Variants in CNGB1 observed in about 807,000 individuals in gnomAD.
CNGB1 encodes the protein cyclic nucleotide-gated channel beta-1.
Under a neutral mutation model 151.7 loss-of-function variants are expected in CNGB1, and 126 were observed. The observed-to-expected ratio is 0.83, with a 90% CI of 0.72 to 0.96. The LOEUF is 0.96. Ranked by LOEUF, CNGB1 falls within the 40% of genes least tolerant of loss-of-function variation. The pLI is 0.00. For missense variants in CNGB1, 1,698 were observed against 1,627.0 expected (o/e 1.04, Z -0.75); for synonymous variants, 623 against 635.1 (o/e 0.98, Z 0.29).
Position 57,960,478 on chromosome 16 carries a change from G to C in CNGB1, c.583+4C>G. The C allele has an allele frequency of 6.2e-7, 1 of 1,613,272 alleles. No individual in the cohort carries two copies. Among genetic ancestry groups the C allele is most frequent in the South Asian group, 1.1e-5 (1 of 90,806 alleles). On this transcript the variant is annotated splice_donor_region_variant and intron_variant, in intron 9 of 32. Transcript: ENST00000251102. ...AGCCCCCTCCCGAGCTCCCCTCCCT[G>C]TACCTGGGTCTGAGGCAGCACCTGT...
chr16:57,944,633 C>T lies in CNGB1; in HGVS notation c.1122-4312G>A, dbSNP rs115511924. Among the ~76,000 whole-genome samples the T allele has an allele frequency of 5.2e-3, 784 of 152,070 alleles. 7 individuals are homozygous for T. The highest frequency in any genetic ancestry group is 0.018 in the African/African-American group (755 of 41,468). On this transcript the variant is annotated intron_variant, in intron 14 of 32. Transcript: ENST00000251102. ...CATAATTCAAAACAACAATTATACACAAAAATATATACAATTTATGTCAAT... is the reference window on the plus strand; with the variant it reads ...CATAATTCAAAACAACAATTATACATAAAAATATATACAATTTATGTCAAT...
intron 4 of CNGB1, among the ~76,000 whole-genome samples, chr16:57,963,694 G>C (rs773655841): frequency 3.9e-5 from 6 of 152,114 alleles, no homozygotes; most frequent in Non-Finnish European, 7.4e-5. Context: ...ACCCCATTGG[G>C]CCTGCATCTC....
At chr16:57,939,284 T>A in intron 16 of CNGB1, 146 bp downstream of exon 16, 1 of 1,110,422 alleles carries the variant, frequency 9.0e-7, no homozygotes, top group East Asian at 2.4e-5. Context: ...GATGGGATTT[T>A]CCTGAAGACA....
At chr16:57,906,570 G>C (rs1278216419) in intron 25 of CNGB1, among the ~76,000 whole-genome samples, 1 of 152,190 alleles carries the variant, frequency 6.6e-6, no homozygotes, top group Non-Finnish European at 1.5e-5. Flanking sequence ...CCTGTTGCCT[G>C]CAAGTTTCAG....
At chr16:57,891,666 C>T (rs2149353218) in intron 31 of CNGB1, among the ~76,000 whole-genome samples, 1 of 152,178 alleles carries the variant, frequency 6.6e-6, no homozygotes, top group Non-Finnish European at 1.5e-5. Flanking sequence ...AAGCCATTCT[C>T]CTGCCTCAGC....
At chr16:57,910,851 C>G (rs1213305387) in intron 25 of CNGB1, among the ~76,000 whole-genome samples, 1 of 152,154 alleles carries the variant, frequency 6.6e-6, no homozygotes, top group Non-Finnish European at 1.5e-5. Context: ...TGCACCCCAA[C>G]CACCTTGCAC....
At chr16:57,923,235 CAG>C in intron 18 of CNGB1, 36 bp downstream of exon 18, 2 of 1,463,136 alleles carry the variant, frequency 1.4e-6, no homozygotes, top group South Asian at 2.3e-5. Flanking sequence ...ACCCTCCCCG[CAG>C]TCTTTCAATT....
chr16:57,957,280 C>A, intron 12 of CNGB1, 61 bp downstream of exon 12: 1 of 1,532,872 alleles, frequency 6.5e-7, no homozygotes, highest in Non-Finnish European at 9.0e-7. Context: ...ACAGTCAGAC[C>A]CAAGGACACC....
At chr16:57,945,869 G>A (rs1007296913) in intron 14 of CNGB1, among the ~76,000 whole-genome samples, 1 of 152,214 alleles carries the variant, frequency 6.6e-6, no homozygotes, top group Non-Finnish European at 1.5e-5. Context: ...AATCCCAGAG[G>A]AGGCGGTGAT....
At chr16:57,952,167 G>A (rs1961965332) in intron 12 of CNGB1, among the ~76,000 whole-genome samples, 1 of 152,244 alleles carries the variant, frequency 6.6e-6, no homozygotes, top group East Asian at 1.9e-4. Context: ...CTGACAGCAC[G>A]TGAGCTTTCA....
chr16:57,962,508 C>T, intron 7 of CNGB1, 57 bp downstream of exon 7: 2 of 1,512,986 alleles, frequency 1.3e-6, no homozygotes, highest in Non-Finnish European at 1.8e-6. Context: ...AAACCAAGGA[C>T]CTGTTCCTCC....
Position 57,949,384 on chromosome 16 carries a change from C to G in CNGB1, c.1090G>C (p.Glu364Gln). ...ACCTCCTCCTCTTCCTCCTCCTCCT[C>G]CTCTTCCTCTTCCTCCTCCTCATCT... The part of the protein sequence containing the change: ...KEDEEEEEEE[E>Q]EEEEEEEVTE... The change falls in exon 14 of 33, where the codon GAG becomes CAG. Residue 364 changes from glutamate (E) to glutamine (Q), a missense_variant. By Grantham distance (29) the Glu-to-Gln change is conservative (BLOSUM62 2). Coordinates refer to ENST00000251102, the MANE Select transcript of CNGB1 (RefSeq NM_001297.5). 2 of 1,612,766 alleles carry G rather than the reference C, an allele frequency of 1.2e-6. No homozygotes were observed. The highest frequency in any genetic ancestry group is 1.7e-6 in the Non-Finnish European group (2 of 1,179,814).
intron 7 of CNGB1, among the ~76,000 whole-genome samples, chr16:57,962,098 C>T (rs1470388314): frequency 6.6e-6 from 1 of 152,192 alleles, no homozygotes; most frequent in Non-Finnish European, 1.5e-5. Context: ...CTCGGAGCTC[C>T]CTGGCTCCCC....
chr16:57,917,589 T>C, intron 20 of CNGB1, 113 bp from the exon 21 acceptor site: 2 of 889,582 alleles, frequency 2.2e-6, no homozygotes, highest in Admixed American at 1.8e-5. Flanking sequence ...ATGTGGCACT[T>C]TTGTAAGAGT....
intron 14 of CNGB1, among the ~76,000 whole-genome samples, chr16:57,945,494 G>A (rs767634376): frequency 1.2e-4 from 19 of 152,346 alleles, no homozygotes; most frequent in Non-Finnish European, 2.4e-4. Flanking sequence ...GCCTCTGTCT[G>A]CTCATCTGTC....
At chr16:57,956,424 G>A (rs1267096115) in intron 12 of CNGB1, among the ~76,000 whole-genome samples, 3 of 151,970 alleles carry the variant, frequency 2.0e-5, no homozygotes, top group Non-Finnish European at 4.4e-5. Flanking sequence ...CGCCCCCCAC[G>A]CCTCTCCATC....
intron 14 of CNGB1, among the ~76,000 whole-genome samples, chr16:57,941,153 C>T (rs1961657804): frequency 6.6e-6 from 1 of 152,104 alleles, no homozygotes; most frequent in Non-Finnish European, 1.5e-5. Flanking sequence ...GCCAAAAGAG[C>T]CCATCTCCAG....
At chr16:57,902,401 T>C (rs916967488) in intron 27 of CNGB1, among the ~76,000 whole-genome samples, 19 of 152,034 alleles carry the variant, frequency 1.2e-4, no homozygotes, top group African/African-American at 4.6e-4. Context: ...GAATGTTTTA[T>C]AAAGATTATC....
chr16:57,918,782 C>G (rs530941285), intron 20 of CNGB1, among the ~76,000 whole-genome samples: 1 of 152,202 alleles, frequency 6.6e-6, no homozygotes, highest in East Asian at 1.9e-4. Flanking sequence ...TCAGTGCACT[C>G]TCCACCTCCT....
Sources: allele counts gnomAD v4.1 joint callset (sites outside exome capture counted in the v4.1 genomes callset), GRCh38; gene constraint gnomAD v4.1.1; transcripts MANE v1.5; gene names NCBI Gene and HGNC (gene_info 2026-07-23, HGNC 2026-07-21).